Variants in PCDH19 observed in about 807,000 individuals in gnomAD.
PCDH19 encodes protocadherin 19, also known as protocadherin-19.
In PCDH19, 6 loss-of-function variants were observed where a neutral mutation model predicts 46.2. That is an observed-to-expected ratio of 0.13 (90% confidence interval 0.07 to 0.26). PCDH19 has a LOEUF of 0.26. Among genes scored for constraint, PCDH19 ranks in the 10% least tolerant of loss-of-function variants. The probability of loss-of-function intolerance (pLI) is 1.00; values close to 1 mark genes in which losing one functional copy is unlikely to be tolerated. For synonymous variants in PCDH19, 481 were observed against 415.7 expected, an observed-to-expected ratio of 1.16 and a Z score of -1.91; for missense variants, 740 against 972.3, an observed-to-expected ratio of 0.76 and a Z score of 3.18.
At chrX:100,372,124 C>A (rs1160178493) in intron 3 of PCDH19, among the ~76,000 whole-genome samples, 1 of 111,477 alleles carries the variant, frequency 9.0e-6, no homozygotes, top group African/African-American at 3.3e-5. Context: ...GTAATCCCAG[C>A]TGCTTGAGAG....
chrX:100,326,261 A>T lies in PCDH19; in HGVS notation c.2848+15642T>A, dbSNP rs986192326. On this transcript the variant is annotated intron_variant, in intron 5 of 5. Coordinates refer to ENST00000373034, the MANE Select transcript of PCDH19 (RefSeq NM_001184880.2). ...AAATTCCCATCATTTCTCAGATGAC[A>T]CTCTCCCTATGGACCTGCTGGAAGC... Among the ~76,000 whole-genome samples the T allele has an allele frequency of 3.6e-5, 4 of 110,686 alleles. No homozygotes were observed. The South Asian group carries it at 1.6e-3, about 43-fold the overall frequency.
chrX:100,356,005 A>G, intron 3 of PCDH19, among the ~76,000 whole-genome samples: 1 of 109,877 alleles, frequency 9.1e-6, no homozygotes, highest in Non-Finnish European at 1.9e-5. Flanking sequence ...AGGAGAAGGA[A>G]GCCCAATAAA....
chrX:100,346,893 G>C (rs919569391), intron 4 of PCDH19, among the ~76,000 whole-genome samples: 1 of 111,139 alleles, frequency 9.0e-6, no homozygotes, highest in African/African-American at 3.3e-5. Context: ...TGAGGAAAGA[G>C]TGCTGCAGCA....
chrX:100,333,195 A>G (rs1472922651), intron 5 of PCDH19, among the ~76,000 whole-genome samples: 2,025 of 62,031 alleles, frequency 0.033, 73 homozygotes, highest in Middle Eastern at 0.059. Flanking sequence ...GAAAGAAAGA[A>G]AGAAAGAAAG....
chrX:100,293,942 C>G lies in PCDH19; in HGVS notation c.*2335G>C, dbSNP rs1602564896. 2 of 111,749 alleles carry G rather than the reference C, an allele frequency of 1.8e-5. No individual in the cohort carries two copies. The highest frequency in any genetic ancestry group is 3.8e-5 in the Non-Finnish European group (2 of 53,137). 9.2% of individuals were successfully genotyped at this position (111,749 alleles called of 1,213,427 possible). A position where few individuals can be genotyped will look rare whatever the true frequency, so the allele number is the denominator to read the frequency against. On this transcript the variant is annotated 3_prime_UTR_variant, in exon 6 of 6. Coordinates refer to ENST00000373034, the MANE Select transcript of PCDH19 (RefSeq NM_001184880.2). ...CGTGACAATTAATGTTCCCACTTTC[C>G]ACAATCTTTTCTGCTCCCTGGTTCC... is the stretch of plus-strand genomic sequence containing the variant.
chrX:100,394,191 C>T (rs749374161), intron 3 of PCDH19, among the ~76,000 whole-genome samples: 8 of 111,619 alleles, frequency 7.2e-5, no homozygotes, highest in Admixed American at 5.7e-4. Context: ...AAAGAAGCCG[C>T]GGTGCTAGTC....
intron 5 of PCDH19, among the ~76,000 whole-genome samples, chrX:100,314,968 T>C (rs1042153873): frequency 1.8e-5 from 2 of 111,837 alleles, no homozygotes; most frequent in African/African-American, 6.5e-5. Flanking sequence ...CTTCCTTCAG[T>C]TTTGTGGCCT....
At chrX:100,309,920 C>T (rs2147457434) in intron 5 of PCDH19, among the ~76,000 whole-genome samples, 1 of 112,508 alleles carries the variant, frequency 8.9e-6, no homozygotes, top group Admixed American at 9.4e-5. Context: ...TGTCCTAGAC[C>T]ATTTCACTGA....
At chrX:100,374,870 C>T (rs766696091) in intron 3 of PCDH19, among the ~76,000 whole-genome samples, 2 of 110,084 alleles carry the variant, frequency 1.8e-5, no homozygotes, top group South Asian at 7.8e-4. Flanking sequence ...ACCTGGGAGG[C>T]GGAGCTTGCA....
At chrX:100,306,175 A>G (rs905866230) in intron 5 of PCDH19, among the ~76,000 whole-genome samples, 1 of 111,915 alleles carries the variant, frequency 8.9e-6, no homozygotes, top group East Asian at 2.8e-4. Flanking sequence ...GCCACAAAAC[A>G]AGTCTCAGTA....
chrX:100,333,569 A>G (rs1364730077), intron 5 of PCDH19, among the ~76,000 whole-genome samples: 1 of 111,640 alleles, frequency 9.0e-6, no homozygotes, highest in Non-Finnish European at 1.9e-5. Flanking sequence ...TTGGGCCATA[A>G]ACTACTGGAG....
At chrX:100,324,356 G>A (rs1325473568) in intron 5 of PCDH19, among the ~76,000 whole-genome samples, 1 of 111,543 alleles carries the variant, frequency 9.0e-6, no homozygotes, top group Non-Finnish European at 1.9e-5. Flanking sequence ...TCCAAAGAAG[G>A]AATGCCAAAG....
At position 100,296,520 on chromosome X, in the gene PCDH19, G is replaced by A. The variant is rs377415279; in HGVS notation, c.3204C>T (p.Pro1068=). ...TGGGCAGAGAGCTCTTGAGGTGGAG[G>A]GGGGAGGTGACAGGGCTAATCGCCT... ...GCEAISPVTS[P]LHLKSSLPTK... Residue 1068 remains proline, a synonymous_variant, in exon 6 of 6, where the codon CCC becomes CCT. Coordinates refer to ENST00000373034, the MANE Select transcript of PCDH19 (RefSeq NM_001184880.2). 72 of 1,208,982 alleles carry A rather than the reference G, an allele frequency of 6.0e-5. No homozygotes were observed. Among genetic ancestry groups the A allele is most frequent in the Non-Finnish European group, 7.7e-5 (69 of 894,725 alleles).
chrX:100,373,984 G>A (rs1246964781), intron 3 of PCDH19, among the ~76,000 whole-genome samples: 2 of 112,113 alleles, frequency 1.8e-5, no homozygotes, highest in Non-Finnish European at 3.8e-5. Flanking sequence ...ACATCCAAAA[G>A]TAGGAGAAGG....
chrX:100,304,359 C>T lies in PCDH19; in HGVS notation c.2849-7484G>A, dbSNP rs750373030. On this transcript the variant is annotated intron_variant, in intron 5 of 5. Transcript: ENST00000373034. ...TTCGGCTCTCAGGAATCCCCATCCC[C>T]AGGGGAAGGGGAAGAACACCACATC... is the stretch of plus-strand genomic sequence containing the variant. 5.4e-5 allele frequency among the ~76,000 whole-genome samples: 6 copies of T among 111,368 alleles called. No homozygotes were observed. The South Asian group carries it at 2.3e-3, about 43-fold the overall frequency.
At chrX:100,321,750 A>G (rs2147466964) in intron 5 of PCDH19, among the ~76,000 whole-genome samples, 1 of 100,507 alleles carries the variant, frequency 9.9e-6, no homozygotes, top group Admixed American at 1.1e-4. Flanking sequence ...GCAGTGCAAA[A>G]GCTCTTTAGT....
chrX:100,363,713 TATATA>T (rs1182825602), intron 3 of PCDH19, among the ~76,000 whole-genome samples: 16 of 100,128 alleles, frequency 1.6e-4, no homozygotes, highest in South Asian at 8.6e-4. Flanking sequence ...ATTTATTTTA[TATATA>T]ATATATTTAT....
At chrX:100,339,812 C>A (rs1015358006) in intron 5 of PCDH19, among the ~76,000 whole-genome samples, 3 of 111,979 alleles carry the variant, frequency 2.7e-5, no homozygotes, top group Non-Finnish European at 5.6e-5. Flanking sequence ...CAAGGTTTAA[C>A]CACTGCCGGA....
chrX:100,325,369 C>CTT (rs72174481), intron 5 of PCDH19, among the ~76,000 whole-genome samples: 895 of 81,307 alleles, frequency 0.011, 17 homozygotes, highest in South Asian at 0.033. Context: ...CTATAATGAT[C>CTT]TTTTTTTTTT....
Sources: allele counts gnomAD v4.1 joint callset (sites outside exome capture counted in the v4.1 genomes callset), GRCh38; gene constraint gnomAD v4.1.1; transcripts MANE v1.5; gene names NCBI Gene and HGNC (gene_info 2026-07-23, HGNC 2026-07-21).